Variants in CACNA2D3 observed in about 807,000 individuals in gnomAD.
The protein encoded by CACNA2D3 is voltage-dependent calcium channel subunit alpha-2/delta-3.
A neutral mutation model predicts 160.6 loss-of-function variants in CACNA2D3; 60 were observed. That is an observed-to-expected ratio of 0.37 (90% CI 0.30 to 0.46). CACNA2D3 has a LOEUF of 0.46. CACNA2D3 is among the 20% of genes least tolerant of loss of function. The pLI is 1.00. For synonymous variants in CACNA2D3, 558 were observed against 492.9 expected (o/e 1.13, Z -1.75); for missense variants, 1,205 against 1,365.0 (o/e 0.88, Z 1.85).
At chr3:54,662,731 G>A in intron 11 of CACNA2D3, among the ~76,000 whole-genome samples, 1 of 152,236 alleles carries the variant, frequency 6.6e-6, no homozygotes, top group East Asian at 1.9e-4. Context: ...GGCTGGTGCT[G>A]TTGGTGGAAA....
intron 3 of CACNA2D3, among the ~76,000 whole-genome samples, chr3:54,350,149 A>G (rs1409513605): frequency 6.6e-6 from 1 of 152,122 alleles, no homozygotes; most frequent in South Asian, 2.1e-4. Flanking sequence ...CAGAACTTGT[A>G]TTGTGAGGGC....
intron 24 of CACNA2D3, among the ~76,000 whole-genome samples, chr3:54,888,529 A>T (rs2106860789): frequency 6.6e-6 from 1 of 152,292 alleles, no homozygotes; most frequent in Non-Finnish European, 1.5e-5. Context: ...GATATCAAAG[A>T]CTAGGATGAG....
intron 2 of CACNA2D3, among the ~76,000 whole-genome samples, chr3:54,198,968 A>G (rs1032560375): frequency 6.6e-6 from 1 of 152,124 alleles, no homozygotes; most frequent in Non-Finnish European, 1.5e-5. Flanking sequence ...CATTTATTCC[A>G]TTTCTTTTCT....
intron 13 of CACNA2D3, among the ~76,000 whole-genome samples, chr3:54,794,005 A>C (rs555388513): frequency 1.3e-5 from 2 of 152,278 alleles, no homozygotes; most frequent in African/African-American, 2.4e-5. Flanking sequence ...ATTTATTGGC[A>C]TAAAGATGTT....
rs919240055 is a variant in CACNA2D3 at position 54,987,666 on chromosome 3, T to C, written c.2620-17T>C. ...CATTATTTATCTACACCTCCTCATATGTCTTCTTCCCCATAGACTGGAGAC... is the reference window on the plus strand; with the variant it reads ...CATTATTTATCTACACCTCCTCATACGTCTTCTTCCCCATAGACTGGAGAC... On this transcript the variant is annotated splice_polypyrimidine_tract_variant and intron_variant, in intron 30 of 37. Coordinates refer to ENST00000474759, the MANE Select transcript of CACNA2D3 (RefSeq NM_018398.3). The C allele has an allele frequency of 6.4e-7, 1 of 1,566,010 alleles. No homozygotes were observed. Among genetic ancestry groups the C allele is most frequent in the Non-Finnish European group, 8.7e-7 (1 of 1,150,774 alleles).
At chr3:54,524,421 T>C (rs1701693121) in intron 5 of CACNA2D3, among the ~76,000 whole-genome samples, 1 of 152,126 alleles carries the variant, frequency 6.6e-6, no homozygotes, top group Non-Finnish European at 1.5e-5. Flanking sequence ...TGGCTTATCC[T>C]ATGGTCTGTC....
intron 2 of CACNA2D3, among the ~76,000 whole-genome samples, chr3:54,136,681 T>G (rs151114806): frequency 6.6e-6 from 1 of 152,346 alleles, no homozygotes; most frequent in East Asian, 1.9e-4. Flanking sequence ...ATTGCCCTGT[T>G]TATACTGCCG....
At chr3:54,887,904 T>A (rs1404760050) in intron 23 of CACNA2D3, 55 bp from the exon 24 acceptor site, 1 of 1,392,692 alleles carries the variant, frequency 7.2e-7, no homozygotes, top group Non-Finnish European at 1.0e-6. Flanking sequence ...TGAGTGCCTC[T>A]CATGCCCCTC....
intron 2 of CACNA2D3, among the ~76,000 whole-genome samples, chr3:54,279,882 G>A (rs986843684): frequency 6.6e-6 from 1 of 152,052 alleles, no homozygotes; most frequent in Non-Finnish European, 1.5e-5. Flanking sequence ...TGTTGGTTTT[G>A]GTCTAGCCTG....
In CACNA2D3 at chr3:54,122,824, A is replaced by T; in HGVS notation, c.111A>T (p.Ile37=). Residue 37 remains isoleucine (I), a synonymous_variant, in exon 1 of 38, where the codon ATA becomes ATT. Transcript: ENST00000474759. ...LGDVVRSEQQ[I]PLSVVKLWAS... ...ACGTGGTGCGCTCGGAGCAGCAGAT[A>T]CCGCTCTCCGTGTAAGTGCCGGCTC... is the stretch of plus-strand genomic sequence containing the variant. 8.1e-7 allele frequency: 1 copy of T among 1,231,448 alleles called. No homozygotes were observed. Among genetic ancestry groups the T allele is most frequent in the Middle Eastern group, 3.2e-4 (1 of 3,168 alleles). 76.3% of individuals were successfully genotyped at this position (1,231,448 alleles called of 1,614,324 possible).
intron 29 of CACNA2D3, among the ~76,000 whole-genome samples, chr3:54,977,463 T>C (rs1395942819): frequency 6.6e-6 from 1 of 152,206 alleles, no homozygotes; most frequent in Non-Finnish European, 1.5e-5. Flanking sequence ...CATTGCTCAA[T>C]ATTTACAGTA....
chr3:54,603,562 G>A (rs752254099), intron 9 of CACNA2D3, among the ~76,000 whole-genome samples: 1 of 152,192 alleles, frequency 6.6e-6, no homozygotes, highest in African/African-American at 2.4e-5. Flanking sequence ...CTGACCCGGG[G>A]AAGGCTGTTC....
chr3:54,965,835 C>A (rs1702135779), intron 27 of CACNA2D3, among the ~76,000 whole-genome samples: 1 of 152,126 alleles, frequency 6.6e-6, no homozygotes, highest in Admixed American at 6.5e-5. Context: ...GGGCAACAAC[C>A]TCATGGTGCA....
intron 34 of CACNA2D3, among the ~76,000 whole-genome samples, chr3:55,014,559 A>G (rs1454279162): frequency 6.6e-6 from 1 of 152,030 alleles, no homozygotes; most frequent in African/African-American, 2.4e-5. Flanking sequence ...TGCAACCCCC[A>G]TCTCTACTAA....
At chr3:54,288,896 A>G (rs1409686129) in intron 2 of CACNA2D3, among the ~76,000 whole-genome samples, 1 of 152,222 alleles carries the variant, frequency 6.6e-6, no homozygotes, top group African/African-American at 2.4e-5. Flanking sequence ...AACTCAAGAA[A>G]TTAGGTATTG....
At chr3:54,198,173 T>C (rs1158513566) in intron 2 of CACNA2D3, among the ~76,000 whole-genome samples, 1 of 152,224 alleles carries the variant, frequency 6.6e-6, no homozygotes, top group Non-Finnish European at 1.5e-5. Context: ...AACCACTGTC[T>C]TTGTGTGTCT....
chr3:54,791,746 T>A (rs547901884), intron 13 of CACNA2D3, among the ~76,000 whole-genome samples: 3 of 151,948 alleles, frequency 2.0e-5, no homozygotes, highest in African/African-American at 7.2e-5. Context: ...GATTTTGCTT[T>A]AAAAAAAAAT....
chr3:54,285,553 G>A (rs556920848), intron 2 of CACNA2D3, among the ~76,000 whole-genome samples: 65 of 152,308 alleles, frequency 4.3e-4, no homozygotes, highest in African/African-American at 1.5e-3. Flanking sequence ...AGACTTAAAT[G>A]TCCCTGTCTG....
intron 27 of CACNA2D3, among the ~76,000 whole-genome samples, chr3:54,916,227 T>G (rs928775423): frequency 6.6e-6 from 1 of 152,228 alleles, no homozygotes; most frequent in Admixed American, 6.5e-5. Flanking sequence ...GTGTGAGCTC[T>G]GGAAACATTT....
Sources: gnomAD v4.1 joint callset for allele counts (sites outside exome capture counted in the v4.1 genomes callset) on GRCh38, gnomAD v4.1.1 for gene constraint, MANE v1.5 for transcripts, NCBI Gene and HGNC (gene_info 2026-07-23, HGNC 2026-07-21) for gene names.